The following NALF1 variants were observed in gnomAD, a reference collection of about 807,000 sequenced individuals.
The protein encoded by NALF1 is family with sequence similarity 155 member A.
In NALF1, 3 loss-of-function variants were observed where a neutral mutation model predicts 48.4. The ratio of observed to expected loss-of-function variants is 0.06; its 90% CI spans 0.03 to 0.16. The LOEUF is 0.16. Ranked by LOEUF, NALF1 falls within the 10% of genes least tolerant of loss-of-function variation. The probability of loss-of-function intolerance (pLI) is 1.00; values close to 1 mark genes in which losing one functional copy is unlikely to be tolerated. For missense variants in NALF1, 526 were observed against 571.5 expected (o/e 0.92, Z 0.81); for synonymous variants, 262 against 245.7 (o/e 1.07, Z -0.62).
At chr13:107,628,682 C>G (rs569495421) in intron 1 of NALF1, among the ~76,000 whole-genome samples, 71 of 152,206 alleles carry the variant, frequency 4.7e-4, no homozygotes, top group African/African-American at 1.7e-3. Context: ...AAATCTAAAA[C>G]AAACAAACAA....
At chr13:107,223,583 C>T (rs1880038085) in intron 1 of NALF1, among the ~76,000 whole-genome samples, 1 of 152,068 alleles carries the variant, frequency 6.6e-6, no homozygotes, top group Non-Finnish European at 1.5e-5. Flanking sequence ...TTCCATAATT[C>T]AAATGAAGAT....
intron 1 of NALF1, among the ~76,000 whole-genome samples, chr13:107,653,887 CA>C (rs1880508862): frequency 1.3e-5 from 2 of 152,004 alleles, no homozygotes; most frequent in Non-Finnish European, 2.9e-5. Context: ...ACAAAGTCCT[CA>C]AAAATATCTT....
rs889783708 is a variant in NALF1 at position 107,163,680 on chromosome 13, T to G, written c.*6817A>C. Reference sequence around the variant, plus strand: ...TTAGTACTTTTATTCCGTGTTCATATTCACATAAAAAAGTACTTGAGTACA... The same window carrying G: ...TTAGTACTTTTATTCCGTGTTCATAGTCACATAAAAAAGTACTTGAGTACA... On this transcript the variant is annotated 3_prime_UTR_variant, in exon 3 of 3. Coordinates refer to ENST00000375915, the MANE Select transcript of NALF1 (RefSeq NM_001080396.3). The G allele has an allele frequency of 6.6e-6, 1 of 152,194 alleles. No homozygotes were observed. The highest frequency in any genetic ancestry group is 1.5e-5 in the Non-Finnish European group (1 of 68,020). The allele number at this position is 152,194 out of a possible 1,614,324, so 9.4% of individuals were successfully genotyped here. A position where few individuals can be genotyped will look rare whatever the true frequency, so the allele number is the denominator to read the frequency against.
At chr13:107,198,162 A>C (rs1031695331) in intron 2 of NALF1, among the ~76,000 whole-genome samples, 3 of 152,146 alleles carry the variant, frequency 2.0e-5, no homozygotes, top group African/African-American at 7.2e-5. Flanking sequence ...AATTTTCAGC[A>C]ATATTGAGCA....
chr13:107,680,975 G>A (rs1294395987), intron 1 of NALF1, among the ~76,000 whole-genome samples: 1 of 2,470 alleles, frequency 4.0e-4, no homozygotes, highest in African/African-American at 6.0e-4. Flanking sequence ...GTGTGTACAC[G>A]TCATGTCAGT....
At chr13:107,357,760 C>A (rs1290890508) in intron 1 of NALF1, among the ~76,000 whole-genome samples, 3 of 152,126 alleles carry the variant, frequency 2.0e-5, no homozygotes, top group African/African-American at 7.2e-5. Context: ...ACAATGATGG[C>A]AAATATTTCC....
chr13:107,784,599 G>T (rs1878016409), intron 1 of NALF1, among the ~76,000 whole-genome samples: 1 of 152,100 alleles, frequency 6.6e-6, no homozygotes, highest in African/African-American at 2.4e-5. Flanking sequence ...GACATGAATA[G>T]ACGATTCTCA....
At chr13:107,520,066 A>G (rs2139095420) in intron 1 of NALF1, among the ~76,000 whole-genome samples, 1 of 152,366 alleles carries the variant, frequency 6.6e-6, no homozygotes, top group African/African-American at 2.4e-5. Context: ...TCTTCTGTCA[A>G]CATTATAAAT....
intron 1 of NALF1, among the ~76,000 whole-genome samples, chr13:107,843,361 G>A (rs565542116): frequency 1.3e-5 from 2 of 152,220 alleles, no homozygotes; most frequent in Non-Finnish European, 2.9e-5. Flanking sequence ...TAGACATTCT[G>A]ACTGCATATA....
At chr13:107,373,380 C>T (rs906243336) in intron 1 of NALF1, among the ~76,000 whole-genome samples, 2 of 152,124 alleles carry the variant, frequency 1.3e-5, no homozygotes, top group Non-Finnish European at 2.9e-5. Flanking sequence ...AGGTGAAAGA[C>T]CTAACATGGA....
At chr13:107,710,583 GGA>G (rs1875542565) in intron 1 of NALF1, among the ~76,000 whole-genome samples, 1 of 152,082 alleles carries the variant, frequency 6.6e-6, no homozygotes, top group African/African-American at 2.4e-5. Flanking sequence ...GGTGGCATCA[GGA>G]GAGAGAGTGA....
rs576821403 is a variant in NALF1 at position 107,554,974 on chromosome 13, G to A, written c.915+310708C>T. Among the ~76,000 whole-genome samples the A allele has an allele frequency of 1.1e-4, 17 of 152,160 alleles. 1 individual carries two copies. In the South Asian group the frequency reaches 1.9e-3, roughly 17 times the overall value. ...GCTTTGAGCCTAACCTGTCCGGGGAGGCCTCTGCTGAATAACATTTTTCTC... is the reference window on the plus strand; with the variant it reads ...GCTTTGAGCCTAACCTGTCCGGGGAAGCCTCTGCTGAATAACATTTTTCTC... On this transcript the variant is annotated intron_variant, in intron 1 of 2. Coordinates refer to ENST00000375915, the MANE Select transcript of NALF1 (RefSeq NM_001080396.3).
chr13:107,563,003 C>A (rs1877691206), intron 1 of NALF1, among the ~76,000 whole-genome samples: 1 of 152,160 alleles, frequency 6.6e-6, no homozygotes, highest in South Asian at 2.1e-4. Context: ...GGTTGGAAGG[C>A]TTCTTCAGAT....
intron 1 of NALF1, among the ~76,000 whole-genome samples, chr13:107,775,898 G>A (rs180859238): frequency 2.0e-5 from 3 of 152,336 alleles, no homozygotes; most frequent in Admixed American, 6.5e-5. Flanking sequence ...GACCAAGCTA[G>A]GCTGTCAGAG....
intron 1 of NALF1, among the ~76,000 whole-genome samples, chr13:107,803,284 T>C (rs1172294972): frequency 2.6e-5 from 4 of 152,132 alleles, no homozygotes; most frequent in African/African-American, 9.7e-5. Flanking sequence ...TAAGGGCAAT[T>C]ACAAAAATTT....
At chr13:107,421,080 T>C (rs763644066) in intron 1 of NALF1, among the ~76,000 whole-genome samples, 1 of 152,166 alleles carries the variant, frequency 6.6e-6, no homozygotes, top group Non-Finnish European at 1.5e-5. Context: ...ACTTCAAATA[T>C]GGAAAGAAAT....
At chr13:107,584,103 A>T (rs1594142582) in intron 1 of NALF1, among the ~76,000 whole-genome samples, 1 of 152,268 alleles carries the variant, frequency 6.6e-6, no homozygotes, top group Admixed American at 6.5e-5. Context: ...AAATCGTTTA[A>T]AAATGTGCTA....
At chr13:107,739,944 G>A (rs1876584813) in intron 1 of NALF1, among the ~76,000 whole-genome samples, 1 of 152,164 alleles carries the variant, frequency 6.6e-6, no homozygotes, top group Admixed American at 6.5e-5. Context: ...ATGCCCCCAA[G>A]ATGGGACCAT....
At chr13:107,423,213 C>A (rs1477872265) in intron 1 of NALF1, among the ~76,000 whole-genome samples, 1 of 152,148 alleles carries the variant, frequency 6.6e-6, no homozygotes, top group African/African-American at 2.4e-5. Flanking sequence ...TAATGCATTT[C>A]TTTTTACTGT....
Sources: allele counts gnomAD v4.1 joint callset (sites outside exome capture counted in the v4.1 genomes callset), GRCh38; gene constraint gnomAD v4.1.1; transcripts MANE v1.5; gene names NCBI Gene and HGNC (gene_info 2026-07-23, HGNC 2026-07-21).